ASIC5: variants seen among roughly 807,000 people sequenced by gnomAD.
The protein encoded by ASIC5 is acid sensing ion channel subunit family member 5, also known as bile acid-sensitive ion channel.
Under a neutral mutation model 51.2 loss-of-function variants are expected in ASIC5, and 52 were observed. The ratio of observed to expected loss-of-function variants is 1.02; its 90% CI spans 0.81 to 1.28. The LOEUF is 1.28. ASIC5 is among the 50% of genes most tolerant of loss of function. ASIC5 has a pLI of 0.00. For missense variants in ASIC5, 635 were observed against 595.0 expected, an observed-to-expected ratio of 1.07 and a Z score of -0.70; for synonymous variants, 231 against 200.7, an observed-to-expected ratio of 1.15 and a Z score of -1.28.
At chr4:155,838,899 A>G in intron 6 of ASIC5, 30 bp from the exon 7 acceptor site, 1 of 1,282,346 alleles carries the variant, frequency 7.8e-7, no homozygotes, top group Non-Finnish European at 1.1e-6. Context: ...ACATATAGAG[A>G]CTTTACATTT....
In ASIC5 at chr4:155,863,691, T is replaced by C. The variant is rs1741781968; in HGVS notation, c.104A>G (p.Lys35Arg). 6.2e-7 allele frequency: 1 copy of C among 1,613,848 alleles called. No individual in the cohort carries two copies. Among genetic ancestry groups the C allele is most frequent in the Non-Finnish European group, 8.5e-7 (1 of 1,179,906 alleles). Reference protein sequence around the residue: ...KKPLPSPTERKKFDHDFAIST... With the variant: ...KKPLPSPTERRKFDHDFAIST... ...GATGGCAAAGTCATGGTCAAACTTC[T>C]TTCGCTCAGTGGGAGATGGCAGTGG... Residue 35 changes from lysine (K) to arginine (R), a missense_variant, in exon 2 of 10, where the codon AAG (lysine) becomes AGG (arginine). Coordinates refer to ENST00000537611, the MANE Select transcript of ASIC5 (RefSeq NM_017419.3).
chr4:155,860,103 T>A (rs531085564), intron 2 of ASIC5, among the ~76,000 whole-genome samples: 1 of 152,124 alleles, frequency 6.6e-6, no homozygotes, highest in East Asian at 1.9e-4. Context: ...TTTTGGGTTA[T>A]TTGAATATAA....
intron 8 of ASIC5, among the ~76,000 whole-genome samples, chr4:155,834,524 C>T (rs1740935391): frequency 6.6e-6 from 1 of 152,088 alleles, no homozygotes; most frequent in Non-Finnish European, 1.5e-5. Flanking sequence ...CCTTAGTCTT[C>T]CTGGTAATGG....
At chr4:155,831,457 C>G (rs1740867565) in intron 9 of ASIC5, among the ~76,000 whole-genome samples, 1 of 152,116 alleles carries the variant, frequency 6.6e-6, no homozygotes, top group African/African-American at 2.4e-5. Flanking sequence ...AGAAAAAAAA[C>G]TGATAAAAAT....
At chr4:155,852,785 C>T (rs1318004677) in intron 3 of ASIC5, among the ~76,000 whole-genome samples, 3 of 152,024 alleles carry the variant, frequency 2.0e-5, no homozygotes, top group South Asian at 4.2e-4. Context: ...CAAGCTTAAA[C>T]CTCACCTTCT....
chr4:155,836,161 C>T (rs751170353), intron 8 of ASIC5, among the ~76,000 whole-genome samples: 4 of 152,118 alleles, frequency 2.6e-5, no homozygotes, highest in Non-Finnish European at 4.4e-5. Flanking sequence ...AATCAGGGGA[C>T]GTGGAATCAT....
chr4:155,844,609 G>A (rs1741198091), intron 4 of ASIC5, among the ~76,000 whole-genome samples: 1 of 71,790 alleles, frequency 1.4e-5, no homozygotes, highest in Non-Finnish European at 4.5e-5. Context: ...TTTCTCTCTT[G>A]TGGGGTTGTG....
At chr4:155,840,327 T>TG (rs1232405266) in intron 6 of ASIC5, among the ~76,000 whole-genome samples, 2 of 151,584 alleles carry the variant, frequency 1.3e-5, no homozygotes, top group East Asian at 3.9e-4. Context: ...ATCAATAATC[T>TG]GGATACTAAA....
At chr4:155,831,097 T>C (rs1047122275) in intron 9 of ASIC5, among the ~76,000 whole-genome samples, 2 of 152,178 alleles carry the variant, frequency 1.3e-5, no homozygotes, top group African/African-American at 4.8e-5. Context: ...TTAGGGACTG[T>C]GGAGAAGGCA....
At chr4:155,834,892 G>C (rs1579282433) in intron 8 of ASIC5, among the ~76,000 whole-genome samples, 1 of 152,048 alleles carries the variant, frequency 6.6e-6, no homozygotes, top group Non-Finnish European at 1.5e-5. Context: ...TGAACACCAA[G>C]GGGAGCTCGG....
Position 155,845,251 on chromosome 4 carries a change from A to G in ASIC5, c.712-1421T>C, listed in dbSNP as rs1741213199. On this transcript the variant is annotated intron_variant, in intron 4 of 9. Transcript: ENST00000537611. ...AAAAAGAATTTTTTTAAAGAAGCTCAGTGTTTCAAAGTCAACTTAATTAAA... is the reference window on the plus strand; with the variant it reads ...AAAAAGAATTTTTTTAAAGAAGCTCGGTGTTTCAAAGTCAACTTAATTAAA... Among the ~76,000 whole-genome samples the G allele has an allele frequency of 3.3e-5, 5 of 152,072 alleles. No homozygotes were observed. In the South Asian group the frequency reaches 1.0e-3, roughly 31 times the overall value.
At chr4:155,862,336 C>A (rs1489598894) in intron 2 of ASIC5, among the ~76,000 whole-genome samples, 1 of 151,944 alleles carries the variant, frequency 6.6e-6, no homozygotes, top group East Asian at 1.9e-4. Context: ...TCTAGAAGTC[C>A]CCCAGGAATG....
rs750082879 is a variant in ASIC5, at chr4:155,863,635, C to CAATA, written c.156_159dup (p.Val54TyrfsTer45). 12 of 1,613,678 alleles carry CAATA rather than the reference C, an allele frequency of 7.4e-6. No individual in the cohort carries two copies. The highest frequency in any genetic ancestry group is 5.9e-6 in the Non-Finnish European group (7 of 1,179,906). ...CTGCGAATTTTGCTCCGGTTCTGAACAATATTGTGTATCCCATGAAAGGAA... is the reference window on the plus strand; with the variant it reads ...CTGCGAATTTTGCTCCGGTTCTGAACAATAAATATTGTGTATCCCATGAAAGGAA... On this transcript the variant is annotated frameshift_variant, in exon 2 of 10. Transcript: ENST00000537611. LOFTEE classifies it high-confidence loss of function.
chr4:155,829,783 G>T lies in ASIC5; in HGVS notation c.*73C>A. 1.1e-6 allele frequency: 1 copy of T among 931,230 alleles called. No individual in the cohort carries two copies. Among genetic ancestry groups the T allele is most frequent in the Non-Finnish European group, 1.6e-6 (1 of 641,776 alleles). The allele number at this position is 931,230 out of a possible 1,614,324, so 57.7% of individuals were successfully genotyped here. A position where few individuals can be genotyped will look rare whatever the true frequency, so the allele number is the denominator to read the frequency against. On this transcript the variant is annotated 3_prime_UTR_variant, in exon 10 of 10. Coordinates refer to ENST00000537611, the MANE Select transcript of ASIC5 (RefSeq NM_017419.3). ...CGAACTCTCAAAACTATAGAAAAGT[G>T]ACGTAACAATGAATTAGTCAAGATA...
chr4:155,831,500 G>A (rs985990711), intron 9 of ASIC5, among the ~76,000 whole-genome samples: 1 of 152,192 alleles, frequency 6.6e-6, no homozygotes, highest in Non-Finnish European at 1.5e-5. Context: ...GGCCGGGCAT[G>A]GTGGCTCATG....
chr4:155,843,853 C>T (rs538773544), intron 4 of ASIC5, 23 bp from the exon 5 acceptor site: 4 of 1,612,216 alleles, frequency 2.5e-6, no homozygotes, highest in Non-Finnish European at 3.4e-6. Flanking sequence ...TATGTTTTTG[C>T]CCAAATTGCA....
rs1741786214 is a variant in ASIC5 at position 155,863,765 on chromosome 4, T to C, written c.41-11A>G. On this transcript the variant is annotated splice_polypyrimidine_tract_variant and intron_variant, in intron 1 of 9. Transcript: ENST00000537611. ...TCTTTTCTAAGAGTCCTTAAGGTTT[T>C]GCCCATAAAATGATTAAACAAAAAA... 8 of 1,593,616 alleles carry C rather than the reference T, an allele frequency of 5.0e-6. No homozygotes were observed. In the East Asian group the frequency reaches 1.6e-4, roughly 31 times the overall value.
chr4:155,865,726 G>C (rs1041033318), intron 1 of ASIC5, among the ~76,000 whole-genome samples: 5 of 152,034 alleles, frequency 3.3e-5, no homozygotes, highest in Non-Finnish European at 7.4e-5. Flanking sequence ...CTGTCAGGAA[G>C]ATTAAAATTG....
chr4:155,863,347 TATG>T (rs1741762692), intron 2 of ASIC5, 98 bp downstream of exon 2: 4 of 923,278 alleles, frequency 4.3e-6, no homozygotes, highest in Admixed American at 2.8e-5. Context: ...TGGTTTTACA[TATG>T]ATAAGTTCCA....
Sources: gnomAD v4.1 joint callset for allele counts (sites outside exome capture counted in the v4.1 genomes callset) on GRCh38, gnomAD v4.1.1 for gene constraint, MANE v1.5 for transcripts, NCBI Gene and HGNC (gene_info 2026-07-23, HGNC 2026-07-21) for gene names.